Variants in PCDHGA4 observed in about 807,000 individuals in gnomAD.
The protein encoded by PCDHGA4 is protocadherin gamma-A4.
Under a neutral mutation model 54.6 loss-of-function variants are expected in PCDHGA4, and 38 were observed. The observed-to-expected ratio is 0.70, with a 90% confidence interval of 0.54 to 0.91. The LOEUF is 0.91. Among genes scored for constraint, PCDHGA4 ranks in the 40% least tolerant of loss-of-function variants. The pLI, the probability that PCDHGA4 is intolerant of heterozygous loss-of-function variation, is 0.00. For missense variants in PCDHGA4, 1,298 were observed against 1,220.9 expected, an observed-to-expected ratio of 1.06 and a Z score of -0.94; for synonymous variants, 511 against 512.9, an observed-to-expected ratio of 1.00 and a Z score of 0.05.
At chr5:141,445,178 A>G (rs768321514) in intron 1 of PCDHGA4, among the ~76,000 whole-genome samples, 2 of 152,218 alleles carry the variant, frequency 1.3e-5, no homozygotes, top group Admixed American at 1.3e-4. Context: ...ATGAAAAACT[A>G]TGTTTTTATG....
Position 141,355,288 on chromosome 5 carries a change from C to A in PCDHGA4, c.181C>A (p.Gln61Lys), listed in dbSNP as rs73265823. 1 of 1,613,718 alleles carries A rather than the reference C, an allele frequency of 6.2e-7. No homozygotes were observed. Among genetic ancestry groups the A allele is most frequent in the African/African-American group, 1.3e-5 (1 of 74,946 alleles). ...GGTTCTGGTGGAAATCAGGGCCGAA[C>A]AGATTCTCTACTCGGTGTTTGAGGA... ...LGVLVEIRAE[Q>K]ILYSVFEEQE... Residue 61 changes from glutamine (Q) to lysine (K), a missense_variant, in exon 1 of 4, where the codon CAG (glutamine) becomes AAG (lysine). Physicochemically the swap from Gln to Lys is moderately conservative, Grantham distance 53. Transcript: ENST00000571252.
At chr5:141,359,358 G>A (rs1161332359) in intron 1 of PCDHGA4, among the ~76,000 whole-genome samples, 1 of 151,914 alleles carries the variant, frequency 6.6e-6, no homozygotes, top group East Asian at 1.9e-4. Context: ...TGTTTTAAAG[G>A]CCTAGGAAAG....
At chr5:141,430,837 CG>C in intron 1 of PCDHGA4, 1 of 1,560,074 alleles carries the variant, frequency 6.4e-7, no homozygotes, top group African/African-American at 1.4e-5. Flanking sequence ...TGTGGGAGAC[CG>C]GATGCACCCA....
At chr5:141,505,306 T>C in intron 2 of PCDHGA4, 87 bp from the exon 3 acceptor site, 4 of 1,596,550 alleles carry the variant, frequency 2.5e-6, no homozygotes, top group Non-Finnish European at 3.4e-6. Context: ...GTTAGGGTAC[T>C]AGGTTTGGGA....
chr5:141,359,161 A>T (rs1761134952), intron 1 of PCDHGA4, among the ~76,000 whole-genome samples: 1 of 152,204 alleles, frequency 6.6e-6, no homozygotes. Flanking sequence ...TGATGCAGTT[A>T]CCTGGCTTGG....
intron 1 of PCDHGA4, chr5:141,366,985 G>T: frequency 8.1e-6 from 4 of 493,386 alleles, no homozygotes; most frequent in Non-Finnish European, 1.4e-5. Flanking sequence ...AAAGGAAAGT[G>T]GTTAAATATA....
At chr5:141,472,805 G>C (rs2099297767) in intron 1 of PCDHGA4, among the ~76,000 whole-genome samples, 1 of 151,688 alleles carries the variant, frequency 6.6e-6, no homozygotes, top group African/African-American at 2.4e-5. Context: ...GACCAACATG[G>C]AGAAACCCCC....
At chr5:141,393,912 G>A (rs1430302094) in intron 1 of PCDHGA4, 1 of 1,613,924 alleles carries the variant, frequency 6.2e-7, no homozygotes. Context: ...GACAGTAATT[G>A]CCTTCTTGAG....
chr5:141,465,312 A>G (rs2099100692), intron 1 of PCDHGA4, among the ~76,000 whole-genome samples: 1 of 152,314 alleles, frequency 6.6e-6, no homozygotes, highest in South Asian at 2.1e-4. Flanking sequence ...GAATTTAGCC[A>G]TGTCAATGCA....
At chr5:141,394,198 T>C in intron 1 of PCDHGA4, 1 of 1,613,874 alleles carries the variant, frequency 6.2e-7, no homozygotes, top group East Asian at 2.2e-5. Context: ...GCGTATATCC[T>C]AGAGAACAAC....
At chr5:141,481,844 G>A (rs552753850) in intron 1 of PCDHGA4, among the ~76,000 whole-genome samples, 7 of 151,350 alleles carry the variant, frequency 4.6e-5, no homozygotes, top group Admixed American at 1.3e-4. Context: ...TCGCTTGATG[G>A]TGGAGGTTGC....
At chr5:141,361,570 C>G (rs1405312992) in intron 1 of PCDHGA4, 1 of 1,613,918 alleles carries the variant, frequency 6.2e-7, no homozygotes, top group Non-Finnish European at 8.5e-7. Flanking sequence ...TGCCTCTGAC[C>G]CTGACTTGGG....
rs370190281 is a variant in PCDHGA4, at chr5:141,401,943, A to G, written c.2514+44322A>G. Among the ~76,000 whole-genome samples the G allele has an allele frequency of 3.9e-5, 6 of 152,312 alleles. No homozygotes were observed. In the South Asian group the frequency reaches 1.0e-3, roughly 26 times the overall value. On this transcript the variant is annotated intron_variant, in intron 1 of 3. Coordinates refer to ENST00000571252, the MANE Select transcript of PCDHGA4 (RefSeq NM_018917.4). ...AGTGATGCTTAGAATAATGTTTAAG[A>G]CCACTTTAAAATTGCATAATTTATT...
At chr5:141,393,524 C>T (rs1197723193) in intron 1 of PCDHGA4, 4 of 1,614,010 alleles carry the variant, frequency 2.5e-6, no homozygotes, top group South Asian at 2.2e-5. Context: ...ATACAAATGA[C>T]AATGCCCCGG....
intron 1 of PCDHGA4, chr5:141,409,008 A>G (rs2095209237): frequency 6.2e-7 from 1 of 1,613,898 alleles, no homozygotes; most frequent in African/African-American, 1.3e-5. Context: ...GCCACTGACC[A>G]GGATGAGGGG....
rs545232987 is a variant in PCDHGA4 at position 141,484,750 on chromosome 5, G to GTA, written c.2515-10043_2515-10042dup. 2.3e-3 allele frequency among the ~76,000 whole-genome samples: 340 copies of GTA among 149,860 alleles called. 1 individual carries two copies. Among genetic ancestry groups the GTA allele is most frequent in the South Asian group, 1.0e-2 (47 of 4,704 alleles). On this transcript the variant is annotated intron_variant, in intron 1 of 3. Coordinates refer to ENST00000571252, the MANE Select transcript of PCDHGA4 (RefSeq NM_018917.4). ...CAGTCGGTGTGTTAGGAAAAAAAAT[G>GTA]TATATATATATATATGTTGTCTGCC...
rs1425654380 is a variant in PCDHGA4, at chr5:141,355,797, T to G, written c.690T>G (p.Ala230=). ...ACCCAGAGCTGGTGCTGGAACGCGC[T>G]CTAGATCGCGAGGAAGAGGCGGTTC... ...IKYPELVLER[A]LDREEEAVHH... is the part of the protein sequence containing the mutation. Residue 230 remains alanine, a synonymous_variant, in exon 1 of 4, where the codon GCT becomes GCG. Transcript: ENST00000571252. 1 of 1,613,522 alleles carries G rather than the reference T, an allele frequency of 6.2e-7. No homozygotes were observed. The highest frequency in any genetic ancestry group is 1.3e-5 in the African/African-American group (1 of 75,022).
intron 1 of PCDHGA4, chr5:141,420,440 C>G (rs1298244162): frequency 9.3e-7 from 1 of 1,076,214 alleles, no homozygotes; most frequent in Non-Finnish European, 1.2e-6. Context: ...AATTAAATGC[C>G]TCAGTCTTCC....
chr5:141,360,822 A>C, intron 1 of PCDHGA4: 2 of 1,613,994 alleles, frequency 1.2e-6, no homozygotes, highest in Non-Finnish European at 1.7e-6. Flanking sequence ...CCCAAATCCG[A>C]ATCAAAGTCA....
Sources: allele counts gnomAD v4.1 joint callset (sites outside exome capture counted in the v4.1 genomes callset), GRCh38; gene constraint gnomAD v4.1.1; transcripts MANE v1.5; gene names NCBI Gene and HGNC (gene_info 2026-07-23, HGNC 2026-07-21).